Variants in IGF2R observed in about 807,000 individuals in gnomAD.
IGF2R encodes the protein cation-independent mannose-6-phosphate receptor.
Under a neutral mutation model 270.6 loss-of-function variants are expected in IGF2R, and 91 were observed. That is an observed-to-expected ratio of 0.34 (90% CI 0.28 to 0.40). The LOEUF (loss-of-function observed/expected upper bound fraction) is 0.40. IGF2R is among the 10% of genes least tolerant of loss of function. The probability of loss-of-function intolerance (pLI) is 1.00; values close to 1 mark genes in which losing one functional copy is unlikely to be tolerated. For synonymous variants in IGF2R, 1,316 were observed against 1,258.9 expected (o/e 1.05, Z -0.96); for missense variants, 2,805 against 3,188.3 (o/e 0.88, Z 2.90).
intron 2 of IGF2R, among the ~76,000 whole-genome samples, chr6:159,994,602 G>T (rs1283700551): frequency 6.6e-6 from 1 of 151,700 alleles, no homozygotes; most frequent in Non-Finnish European, 1.5e-5. Flanking sequence ...CCCTCTTACC[G>T]CTGCTTTGCT....
Position 160,109,892 on chromosome 6 carries a change from T to A in IGF2R, c.*4808T>A, listed in dbSNP as rs1229652680. 1.3e-5 allele frequency: 2 copies of A among 152,058 alleles called. No individual in the cohort carries two copies. The highest frequency in any genetic ancestry group is 2.9e-5 in the Non-Finnish European group (2 of 68,018). 9.4% of individuals were successfully genotyped at this position (152,058 alleles called of 1,614,324 possible). On this transcript the variant is annotated 3_prime_UTR_variant, in exon 48 of 48. Coordinates refer to ENST00000356956, the MANE Select transcript of IGF2R (RefSeq NM_000876.4). Reference sequence around the variant, plus strand: ...GCAAAATCATACTTGAACTAGAAAATCCCGTTGGCATAGGTATGGATTGTC... The same window carrying A: ...GCAAAATCATACTTGAACTAGAAAAACCCGTTGGCATAGGTATGGATTGTC...
chr6:159,992,279 G>T (rs1406535533), intron 2 of IGF2R, among the ~76,000 whole-genome samples: 1 of 152,052 alleles, frequency 6.6e-6, no homozygotes, highest in East Asian at 1.9e-4. Flanking sequence ...TTGTTACATG[G>T]ATATATTGCA....
In IGF2R at chr6:159,969,098, CCGAGCCCAGT is replaced by C. The variant is rs1161230640; in HGVS notation, c.-142_-133del. 3.2e-6 allele frequency: 1 copy of C among 313,516 alleles called. No individual in the cohort carries two copies. The highest frequency in any genetic ancestry group is 4.6e-6 in the Non-Finnish European group (1 of 216,770). The allele number at this position is 313,516 out of a possible 1,614,324, so 19.4% of individuals were successfully genotyped here. A position where few individuals can be genotyped will look rare whatever the true frequency, so the allele number is the denominator to read the frequency against. ...GCCGCCGCTGCCGCTGTCGCTGTCG[CCGAGCCCAGT>C]CGAGCCGCGCTCACCTCGGGCTCCC... On this transcript the variant is annotated 5_prime_UTR_variant, in exon 1 of 48. Transcript: ENST00000356956.
chr6:160,084,909 C>G lies in IGF2R; in HGVS notation c.6069-86C>G. 1 of 1,320,706 alleles carries G rather than the reference C, an allele frequency of 7.6e-7. No individual in the cohort carries two copies. The highest frequency in any genetic ancestry group is 1.5e-5 in the African/African-American group (1 of 67,932). The allele number at this position is 1,320,706 out of a possible 1,614,324, so 81.8% of individuals were successfully genotyped here. On this transcript the variant is annotated intron_variant, in intron 40 of 47. Transcript: ENST00000356956. The surrounding 1 kb of genome is among the most constrained non-coding windows in gnomAD (Gnocchi z 4.6). ...AGCCCTTAGTTATCAGAACCTTTCT[C>G]TGAAAGTAAAGTGAAGAGCCCTCCT...
At chr6:160,052,427 T>C (rs1778220179) in intron 19 of IGF2R, among the ~76,000 whole-genome samples, 3 of 151,968 alleles carry the variant, frequency 2.0e-5, no homozygotes, top group Non-Finnish European at 4.4e-5. Context: ...CTCAAGGAAA[T>C]AAAAGAGGAC....
chr6:159,980,323 C>CTTTTCCT (rs1783780202), intron 1 of IGF2R, among the ~76,000 whole-genome samples: 1 of 152,114 alleles, frequency 6.6e-6, no homozygotes, highest in Non-Finnish European at 1.5e-5. Context: ...ATGGTAGCTG[C>CTTTTCCT]TTTTCCTCTT....
chr6:160,085,141 G>C lies in IGF2R; in HGVS notation c.6205+10G>C, dbSNP rs1345342430. 6.2e-7 allele frequency: 1 copy of C among 1,612,104 alleles called. No individual in the cohort carries two copies. The highest frequency in any genetic ancestry group is 1.1e-5 in the South Asian group (1 of 90,948). ...AAGCTGGGTGTCATAGGTAAGGCCT[G>C]TGGGTCCTGGTCCTTGGTTCAAGGA... On this transcript the variant is annotated intron_variant, in intron 41 of 47. Transcript: ENST00000356956.
chr6:160,111,237 G>GT lies in IGF2R; in HGVS notation c.*6163dup, dbSNP rs150718124. ...AACTCTGTGGGTCCACTTACATGCG[G>GT]TTTTTTTTTTCTGTAAAAGTTACAC... On this transcript the variant is annotated 3_prime_UTR_variant, in exon 48 of 48. Coordinates refer to ENST00000356956, the MANE Select transcript of IGF2R (RefSeq NM_000876.4). 0.13 allele frequency: 18,668 copies of GT among 148,628 alleles called. 1,195 individuals are homozygous for GT. The highest frequency in any genetic ancestry group is 0.13 in the African/African-American group (5,335 of 40,568). 9.2% of individuals were successfully genotyped at this position (148,628 alleles called of 1,614,324 possible).
chr6:160,067,956 T>A (rs1249837402), intron 29 of IGF2R, among the ~76,000 whole-genome samples: 5 of 152,190 alleles, frequency 3.3e-5, no homozygotes, highest in Non-Finnish European at 7.3e-5. Context: ...GCACGCACTT[T>A]GCAGACTTGA....
chr6:160,068,489 A>G (rs766312124), intron 30 of IGF2R, 104 bp downstream of exon 30: 1 of 1,521,628 alleles, frequency 6.6e-7, no homozygotes, highest in Non-Finnish European at 8.9e-7. Flanking sequence ...TAGTGAGTGT[A>G]TCACAGGCTG....
At chr6:160,083,374 A>G (rs1157946071) in intron 39 of IGF2R, among the ~76,000 whole-genome samples, 3 of 152,204 alleles carry the variant, frequency 2.0e-5, no homozygotes, top group Admixed American at 6.5e-5. Context: ...CAAATGTACA[A>G]TCGGGTTTTA....
In IGF2R at chr6:160,084,917, A is replaced by G; in HGVS notation, c.6069-78A>G. On this transcript the variant is annotated intron_variant, in intron 40 of 47. Coordinates refer to ENST00000356956, the MANE Select transcript of IGF2R (RefSeq NM_000876.4). This position sits in a 1 kb window ranked among gnomAD's most constrained non-coding sequence, Gnocchi z 4.6. ...GTTATCAGAACCTTTCTCTGAAAGT[A>G]AAGTGAAGAGCCCTCCTGTGTCAGG... 1 of 1,390,878 alleles carries G rather than the reference A, an allele frequency of 7.2e-7. No homozygotes were observed. Among genetic ancestry groups the G allele is most frequent in the Non-Finnish European group, 9.9e-7 (1 of 1,013,150 alleles). 86.2% of individuals were successfully genotyped at this position (1,390,878 alleles called of 1,614,324 possible).
At chr6:159,988,512 CAAAAAAAAAAAAA>C (rs59531292) in intron 1 of IGF2R, among the ~76,000 whole-genome samples, 6 of 50,480 alleles carry the variant, frequency 1.2e-4, no homozygotes, top group East Asian at 8.3e-4. Context: ...GACTCCGTCT[CAAAAAAAAAAAAA>C]AAAAAAAAAA....
intron 43 of IGF2R, 89 bp from the exon 44 acceptor site, chr6:160,089,827 C>A: frequency 1.1e-6 from 1 of 879,918 alleles, no homozygotes. Flanking sequence ...ATCCTGGGGC[C>A]CTGCAGTGAT....
chr6:160,085,059 A>T lies in IGF2R; in HGVS notation c.6133A>T (p.Ile2045Phe). ...GPLGCSERAS[I>F]CRRTTTGDVQ... ...CCTGGGCTGCTCTGAAAGGGCCAGCATTTGCAGAAGGACCACAACTGGTGA... is the reference window on the plus strand; with the variant it reads ...CCTGGGCTGCTCTGAAAGGGCCAGCTTTTGCAGAAGGACCACAACTGGTGA... The change falls in exon 41 of 48, where the codon ATT (isoleucine) becomes TTT (phenylalanine). Residue 2045 changes from isoleucine (I) to phenylalanine (F), a missense_variant. Transcript: ENST00000356956. The T allele has an allele frequency of 1.2e-6, 2 of 1,614,072 alleles. No homozygotes were observed. The highest frequency in any genetic ancestry group is 1.7e-6 in the Non-Finnish European group (2 of 1,179,988).
intron 39 of IGF2R, 55 bp downstream of exon 39, chr6:160,080,330 G>A (rs1197844454): frequency 1.3e-6 from 2 of 1,559,394 alleles, no homozygotes; most frequent in African/African-American, 1.4e-5. Flanking sequence ...TACTGTCAAG[G>A]CTCGATTCAC....
intron 44 of IGF2R, among the ~76,000 whole-genome samples, chr6:160,090,632 C>T (rs570210427): frequency 3.6e-4 from 55 of 152,314 alleles, no homozygotes; most frequent in Non-Finnish European, 5.7e-4. Flanking sequence ...CTCACATAAT[C>T]GTGAAAGGCT....
chr6:160,027,159 G>C (rs373420669), intron 5 of IGF2R, 26 bp from the exon 6 acceptor site: 13 of 1,613,902 alleles, frequency 8.1e-6, no homozygotes, highest in Middle Eastern at 1.7e-4. Context: ...CACCTAATCT[G>C]ATTTAATGTA....
In IGF2R at chr6:160,076,492, C is replaced by G. The variant is rs574173483; in HGVS notation, c.5316+496C>G. Among the ~76,000 whole-genome samples the G allele has an allele frequency of 2.0e-5, 3 of 152,306 alleles. No homozygotes were observed. The South Asian group carries it at 6.2e-4, about 32-fold the overall frequency. On this transcript the variant is annotated intron_variant, in intron 36 of 47. Coordinates refer to ENST00000356956, the MANE Select transcript of IGF2R (RefSeq NM_000876.4). ...ATGTGCATTAAAAAAAGAATACCAG[C>G]TTCCATTATAATGAGTTCGGTATTG...
Sources: allele counts gnomAD v4.1 joint callset (sites outside exome capture counted in the v4.1 genomes callset), GRCh38; gene constraint gnomAD v4.1.1; non-coding constraint Gnocchi (gnomAD v3.1); transcripts MANE v1.5; gene names NCBI Gene and HGNC (gene_info 2026-07-23, HGNC 2026-07-21).